Variants in NALF1 observed in about 807,000 individuals in gnomAD.
NALF1 encodes the protein NALCN channel auxiliary factor 1.
NALF1 carries 3 observed loss-of-function variants against 48.4 expected under a neutral mutation model. The ratio of observed to expected loss-of-function variants is 0.06; its 90% confidence interval spans 0.03 to 0.16. NALF1 has a LOEUF of 0.16. Ranked by LOEUF, NALF1 falls within the 10% of genes least tolerant of loss-of-function variation. The pLI, the probability that NALF1 is intolerant of heterozygous loss-of-function variation, is 1.00. For missense variants in NALF1, 526 were observed against 571.5 expected (o/e 0.92, Z 0.81); for synonymous variants, 262 against 245.7 (o/e 1.07, Z -0.62).
intron 1 of NALF1, among the ~76,000 whole-genome samples, chr13:107,291,201 T>G (rs78029635): frequency 0.051 from 7,734 of 151,964 alleles, 271 homozygotes; most frequent in Admixed American, 0.1. Context: ...TGGAAGTTGA[T>G]TCTTTTCCCA....
chr13:107,429,784 G>A (rs1884343909), intron 1 of NALF1, among the ~76,000 whole-genome samples: 1 of 152,078 alleles, frequency 6.6e-6, no homozygotes, highest in Non-Finnish European at 1.5e-5. Context: ...AATTTAACAA[G>A]GATAAATGCA....
intron 1 of NALF1, among the ~76,000 whole-genome samples, chr13:107,581,260 T>C (rs1282384040): frequency 6.6e-6 from 1 of 152,148 alleles, no homozygotes; most frequent in Non-Finnish European, 1.5e-5. Flanking sequence ...GACCATGTGA[T>C]ATGTTTTTGT....
At chr13:107,571,989 A>T (rs1877999367) in intron 1 of NALF1, among the ~76,000 whole-genome samples, 1 of 152,322 alleles carries the variant, frequency 6.6e-6, no homozygotes, top group Admixed American at 6.5e-5. Context: ...CAAATTACAA[A>T]GTATTCTCAA....
chr13:107,761,213 T>C (rs1399742525), intron 1 of NALF1, among the ~76,000 whole-genome samples: 2 of 152,042 alleles, frequency 1.3e-5, no homozygotes, highest in East Asian at 3.9e-4. Flanking sequence ...AAAAATTAGC[T>C]GGGCATGGTG....
intron 1 of NALF1, among the ~76,000 whole-genome samples, chr13:107,406,304 T>A (rs887018554): frequency 6.6e-6 from 1 of 152,002 alleles, no homozygotes; most frequent in Non-Finnish European, 1.5e-5. Flanking sequence ...GATGAATGGA[T>A]AAAAAAAGAC....
In NALF1 at chr13:107,866,331, C is replaced by G; in HGVS notation, c.266G>C (p.Arg89Pro). ...CCGCCGCTGCTGCTGCTGCTGCTGCCGCTGCCTCTGCTGCTGCTGCTGCTG... is the reference window on the plus strand; with the variant it reads ...CCGCCGCTGCTGCTGCTGCTGCTGCGGCTGCCTCTGCTGCTGCTGCTGCTG... ...QQQQQQQQRQ[R>P]QQQQQQRRQQ... is the part of the protein sequence containing the mutation. Residue 89 changes from arginine (R) to proline (P), a missense_variant, in exon 1 of 3, where the codon CGG becomes CCG. Arg to Pro is a moderately radical substitution (Grantham distance 103). This residue lies in a region of NALF1 where 373 missense variants were observed against 355.5 expected (regional missense o/e 1.05). Coordinates refer to ENST00000375915, the MANE Select transcript of NALF1 (RefSeq NM_001080396.3). This position sits in a 1 kb window ranked among gnomAD's most constrained non-coding sequence, Gnocchi z 4.4. 1 of 1,608,944 alleles carries G rather than the reference C, an allele frequency of 6.2e-7. No individual in the cohort carries two copies. Among genetic ancestry groups the G allele is most frequent in the Non-Finnish European group, 8.5e-7 (1 of 1,178,678 alleles).
chr13:107,591,659 C>T (rs927255510), intron 1 of NALF1, among the ~76,000 whole-genome samples: 4 of 151,960 alleles, frequency 2.6e-5, no homozygotes, highest in Non-Finnish European at 5.9e-5. Context: ...ATTTTCTTCA[C>T]TCACTTGGAG....
intron 1 of NALF1, among the ~76,000 whole-genome samples, chr13:107,298,010 C>T (rs1881756978): frequency 6.6e-6 from 1 of 152,104 alleles, no homozygotes; most frequent in South Asian, 2.1e-4. Context: ...ATCTCCCATA[C>T]TGTATTCAAA....
intron 1 of NALF1, among the ~76,000 whole-genome samples, chr13:107,764,157 G>T (rs918781609): frequency 6.6e-6 from 1 of 152,030 alleles, no homozygotes; most frequent in African/African-American, 2.4e-5. Flanking sequence ...AAATAAAAAG[G>T]CAACATATTT....
intron 1 of NALF1, among the ~76,000 whole-genome samples, chr13:107,358,422 G>A (rs1198020970): frequency 6.6e-6 from 1 of 152,130 alleles, no homozygotes; most frequent in Admixed American, 6.5e-5. Context: ...ATGATATTTA[G>A]TAAATGCTCA....
intron 1 of NALF1, among the ~76,000 whole-genome samples, chr13:107,318,490 T>C (rs1209334264): frequency 6.6e-6 from 1 of 152,070 alleles, no homozygotes. Context: ...AGAGGCAGCA[T>C]TTACAAAGTA....
chr13:107,460,983 T>C (rs1053406495), intron 1 of NALF1, among the ~76,000 whole-genome samples: 1 of 152,198 alleles, frequency 6.6e-6, no homozygotes, highest in African/African-American at 2.4e-5. Context: ...AGACACCTTT[T>C]AATACTTCAC....
rs368174185 is a variant in NALF1, at chr13:107,547,424, T to A, written c.915+318258A>T. ...TCTATAATAAATATCATCTGTTGGT[T>A]ACCAAATTTTTAAACAATTGTTGAA... is the stretch of plus-strand genomic sequence containing the variant. On this transcript the variant is annotated intron_variant, in intron 1 of 2. Coordinates refer to ENST00000375915, the MANE Select transcript of NALF1 (RefSeq NM_001080396.3). Among the ~76,000 whole-genome samples the A allele has an allele frequency of 2.6e-5, 4 of 152,350 alleles. No individual in the cohort carries two copies. In the South Asian group the frequency reaches 8.3e-4, roughly 32 times the overall value.
At chr13:107,175,500 C>T (rs775438766) in intron 2 of NALF1, among the ~76,000 whole-genome samples, 4 of 152,088 alleles carry the variant, frequency 2.6e-5, no homozygotes, top group Admixed American at 6.5e-5. Context: ...GTCTCCTTAC[C>T]TATTCTTTGA....
intron 1 of NALF1, among the ~76,000 whole-genome samples, chr13:107,861,330 T>C (rs1880562219): frequency 6.6e-6 from 1 of 152,238 alleles, no homozygotes; most frequent in Non-Finnish European, 1.5e-5. Flanking sequence ...AAATTATTTG[T>C]AAATAAAGTG....
intron 1 of NALF1, among the ~76,000 whole-genome samples, chr13:107,613,003 A>G (rs1467589410): frequency 2.1e-5 from 3 of 142,736 alleles, no homozygotes; most frequent in African/African-American, 7.8e-5. Context: ...CCACAATGAG[A>G]AAAAAAAAAA....
At chr13:107,429,129 C>G (rs1271602164) in intron 1 of NALF1, among the ~76,000 whole-genome samples, 6 of 151,978 alleles carry the variant, frequency 3.9e-5, no homozygotes, top group African/African-American at 1.5e-4. Flanking sequence ...TTGAGACCAG[C>G]CTGGCTAACA....
chr13:107,397,812 T>C (rs1229239590), intron 1 of NALF1, among the ~76,000 whole-genome samples: 2 of 152,146 alleles, frequency 1.3e-5, no homozygotes, highest in Non-Finnish European at 2.9e-5. Flanking sequence ...AAAAATTACT[T>C]TGAAGTTGAA....
intron 1 of NALF1, among the ~76,000 whole-genome samples, chr13:107,848,006 T>G (rs1027750232): frequency 3.9e-5 from 6 of 152,232 alleles, no homozygotes; most frequent in African/African-American, 1.4e-4. Flanking sequence ...CTTTTGAAAT[T>G]ATCTGTGAAA....
Sources: allele counts gnomAD v4.1 joint callset (sites outside exome capture counted in the v4.1 genomes callset), GRCh38; gene constraint gnomAD v4.1.1; regional missense constraint gnomAD v4.1.1; non-coding constraint Gnocchi (gnomAD v3.1); transcripts MANE v1.5; gene names NCBI Gene and HGNC (gene_info 2026-07-23, HGNC 2026-07-21).